The following MAEA variants were observed in gnomAD, a reference collection of about 807,000 sequenced individuals.
MAEA encodes the protein E3 ubiquitin-protein transferase MAEA.
Under a neutral mutation model 46.2 loss-of-function variants are expected in MAEA, and 22 were observed. That is an observed-to-expected ratio of 0.48 (90% CI 0.34 to 0.68). The LOEUF (loss-of-function observed/expected upper bound fraction) is 0.68. MAEA is among the 30% of genes least tolerant of loss of function. The pLI is 0.01. For missense variants in MAEA, 393 were observed against 558.1 expected, an observed-to-expected ratio of 0.70 and a Z score of 2.98; for synonymous variants, 246 against 222.6, an observed-to-expected ratio of 1.11 and a Z score of -0.94.
intron 3 of MAEA, among the ~76,000 whole-genome samples, chr4:1,320,234 A>G (rs1183752679): frequency 6.6e-6 from 1 of 151,484 alleles, no homozygotes; most frequent in Admixed American, 6.6e-5. Flanking sequence ...GGGGCTTCAG[A>G]AAAGAAATCA....
chr4:1,338,849 C>A, intron 8 of MAEA: 1 of 651,046 alleles, frequency 1.5e-6, no homozygotes, highest in Non-Finnish European at 2.7e-6. Flanking sequence ...TGGGACAGGG[C>A]TGTCCTCTCG....
intron 3 of MAEA, among the ~76,000 whole-genome samples, chr4:1,317,659 A>G: frequency 6.6e-6 from 1 of 151,790 alleles, no homozygotes; most frequent in East Asian, 1.9e-4. Flanking sequence ...ATCTGCCCAG[A>G]CCTGCACAGC....
chr4:1,309,859 G>C, intron 1 of MAEA: 1 of 1,310,814 alleles, frequency 7.6e-7, no homozygotes, highest in Middle Eastern at 2.9e-4. Flanking sequence ...CCTGAGCAGC[G>C]TCAGCACCGC....
chr4:1,326,865 C>T (rs538901058), intron 4 of MAEA, among the ~76,000 whole-genome samples: 53 of 152,348 alleles, frequency 3.5e-4, no homozygotes, highest in Non-Finnish European at 6.2e-4. Flanking sequence ...TGCGGTCCCC[C>T]GTCCATAACC....
chr4:1,322,539 G>A (rs772357191), intron 4 of MAEA, 36 bp downstream of exon 4: 48 of 1,609,238 alleles, frequency 3.0e-5, no homozygotes, highest in Non-Finnish European at 3.6e-5. Context: ...GGAGTGGGTC[G>A]GGGCCGAGGC....
intron 4 of MAEA, among the ~76,000 whole-genome samples, chr4:1,323,761 G>A (rs943430587): frequency 3.3e-5 from 5 of 152,232 alleles, no homozygotes; most frequent in African/African-American, 9.6e-5. Context: ...ATTCCTGCAA[G>A]CCCTAATTAC....
chr4:1,304,324 G>A lies in MAEA; in HGVS notation c.70-7655G>A, dbSNP rs1324485696. Among the ~76,000 whole-genome samples the A allele has an allele frequency of 2.0e-5, 3 of 152,058 alleles. 1 individual carries two copies. Among genetic ancestry groups the A allele is most frequent in the Admixed American group, 2.0e-4 (3 of 15,268 alleles). On this transcript the variant is annotated intron_variant, in intron 1 of 8. Coordinates refer to ENST00000303400, the MANE Select transcript of MAEA (RefSeq NM_001017405.3). Reference sequence around the variant, plus strand: ...TTTGTATTTTTTTTTGTAGAGACGGGGGTGTCTCTATGTTGCCCAGGCTGG... The same window carrying A: ...TTTGTATTTTTTTTTGTAGAGACGGAGGTGTCTCTATGTTGCCCAGGCTGG...
chr4:1,318,123 G>A (rs1327286364), intron 3 of MAEA, among the ~76,000 whole-genome samples: 1 of 147,824 alleles, frequency 6.8e-6, no homozygotes, highest in Non-Finnish European at 1.5e-5. Flanking sequence ...TTCCCCCAAT[G>A]CACAGGCCCT....
chr4:1,309,762 C>T (rs116258373), intron 1 of MAEA: 16,799 of 1,484,226 alleles, frequency 0.011, 108 homozygotes, highest in Non-Finnish European at 0.014. Flanking sequence ...GTAACCGTGG[C>T]GCGTTCTGGG....
At chr4:1,309,655 C>T (rs1376472907) in intron 1 of MAEA, 1 of 1,531,684 alleles carries the variant, frequency 6.5e-7, no homozygotes, top group Non-Finnish European at 8.7e-7. Flanking sequence ...GGATGTGGAC[C>T]CTGAGAGCCA....
chr4:1,329,121 G>A (rs1451638686), intron 5 of MAEA: 9 of 985,508 alleles, frequency 9.1e-6, no homozygotes, highest in South Asian at 9.4e-5. Context: ...AAAACAAAAC[G>A]TGTCCATCCC....
chr4:1,320,529 CAGAAA>C (rs1196450612), intron 3 of MAEA, among the ~76,000 whole-genome samples: 3 of 149,620 alleles, frequency 2.0e-5, no homozygotes, highest in South Asian at 4.2e-4. Context: ...GAAGGGGCTT[CAGAAA>C]AGAAATCATC....
At chr4:1,326,893 C>T (rs928477480) in intron 4 of MAEA, among the ~76,000 whole-genome samples, 5 of 152,248 alleles carry the variant, frequency 3.3e-5, no homozygotes, top group African/African-American at 9.6e-5. Flanking sequence ...AGGCGCTCCC[C>T]GCCCTACCGA....
intron 1 of MAEA, among the ~76,000 whole-genome samples, chr4:1,299,168 C>T (rs1203312400): frequency 6.6e-6 from 1 of 152,236 alleles, no homozygotes; most frequent in Non-Finnish European, 1.5e-5. Flanking sequence ...TGTGAGCCAC[C>T]ATGCCCAGCT....
chr4:1,337,055 T>C, intron 7 of MAEA, 61 bp downstream of exon 7: 1 of 1,582,416 alleles, frequency 6.3e-7, no homozygotes, highest in Non-Finnish European at 8.6e-7. Flanking sequence ...GGTCATATTT[T>C]AACACGCTGA....
At position 1,335,600 on chromosome 4, in the gene MAEA, T is replaced by C. The variant is rs1323796007; in HGVS notation, c.766-1261T>C. 383 of 931,768 alleles carry C rather than the reference T, an allele frequency of 4.1e-4. 1 individual carries two copies. Among genetic ancestry groups the C allele is most frequent in the Admixed American group, 8.6e-4 (12 of 13,878 alleles). 57.7% of individuals were successfully genotyped at this position (931,768 alleles called of 1,614,324 possible). ...CAGAGTTAAGTCAGCACTGGCCCCA[T>C]GGCGTGTTGAAACCACAGAGTTAAG... On this transcript the variant is annotated intron_variant, in intron 6 of 8. Coordinates refer to ENST00000303400, the MANE Select transcript of MAEA (RefSeq NM_001017405.3).
chr4:1,339,299 GATAA>G lies in MAEA; in HGVS notation c.*134_*137del, dbSNP rs1011614577. On this transcript the variant is annotated 3_prime_UTR_variant, in exon 9 of 9. Coordinates refer to ENST00000303400, the MANE Select transcript of MAEA (RefSeq NM_001017405.3). ...TTGCGACCAAAGATCCGTGAGCAAC[GATAA>G]ATACTCTTAGGAAGAGAGAAAATAA... 13 of 673,190 alleles carry G rather than the reference GATAA, an allele frequency of 1.9e-5. No homozygotes were observed. The highest frequency in any genetic ancestry group is 3.5e-5 in the Non-Finnish European group (13 of 372,036). The allele number at this position is 673,190 out of a possible 1,614,324, so 41.7% of individuals were successfully genotyped here. A position where few individuals can be genotyped will look rare whatever the true frequency, so the allele number is the denominator to read the frequency against.
At chr4:1,310,488 C>T (rs920582586) in intron 1 of MAEA, among the ~76,000 whole-genome samples, 3 of 152,238 alleles carry the variant, frequency 2.0e-5, no homozygotes, top group Non-Finnish European at 2.9e-5. Flanking sequence ...TGCCTGGCTT[C>T]GAGTCCGTCT....
intron 1 of MAEA, among the ~76,000 whole-genome samples, chr4:1,292,139 G>C (rs1312145718): frequency 6.6e-6 from 1 of 152,192 alleles, no homozygotes; most frequent in Non-Finnish European, 1.5e-5. Context: ...GTGGAAGGTG[G>C]GGGGTGGATG....
Sources: allele counts gnomAD v4.1 joint callset (sites outside exome capture counted in the v4.1 genomes callset), GRCh38; gene constraint gnomAD v4.1.1; transcripts MANE v1.5; gene names NCBI Gene and HGNC (gene_info 2026-07-23, HGNC 2026-07-21).